Variants in SUCLG2 observed in about 807,000 individuals in gnomAD.
The protein encoded by SUCLG2 is succinate--CoA ligase [GDP-forming] subunit beta, mitochondrial.
In SUCLG2, 42 loss-of-function variants were observed where a neutral mutation model predicts 47.9. The observed-to-expected ratio is 0.88, with a 90% CI of 0.69 to 1.14. The LOEUF is 1.14. SUCLG2 is among the 50% of genes most tolerant of loss of function. SUCLG2 has a pLI of 0.00. For synonymous variants in SUCLG2, 195 were observed against 197.3 expected (o/e 0.99, Z 0.10); for missense variants, 571 against 525.9 (o/e 1.09, Z -0.84).
intron 2 of SUCLG2, among the ~76,000 whole-genome samples, chr3:67,583,382 C>T (rs547348090): frequency 2.6e-5 from 4 of 152,332 alleles, no homozygotes; most frequent in African/African-American, 9.6e-5. Context: ...CGAAAGGATC[C>T]TTTTAAAATA....
At chr3:67,533,812 T>G (rs763949476) in intron 2 of SUCLG2, among the ~76,000 whole-genome samples, 2 of 152,152 alleles carry the variant, frequency 1.3e-5, no homozygotes, top group African/African-American at 4.8e-5. Flanking sequence ...ACTGGGTCAA[T>G]GGGAATAAGA....
At chr3:67,491,381 C>T (rs9822798) in intron 9 of SUCLG2, among the ~76,000 whole-genome samples, 28,430 of 114,330 alleles carry the variant, frequency 0.25, 4,717 homozygotes, top group African/African-American at 0.5. Context: ...TTTTTTTTTT[C>T]CAGACGAAGT....
intron 6 of SUCLG2, among the ~76,000 whole-genome samples, chr3:67,509,761 ATTTTCCAAGCCAAAG>A (rs950486721): frequency 7.9e-5 from 12 of 152,118 alleles, no homozygotes; most frequent in African/African-American, 2.9e-4. Context: ...TCCCAGCTCC[ATTTTCCAAGCCAAAG>A]TTTTCCCACT....
rs373557679 is a variant in SUCLG2, at chr3:67,497,256, A to G, written c.919+878T>C. On this transcript the variant is annotated intron_variant, in intron 8 of 10. Transcript: ENST00000307227. The stretch of plus-strand genomic sequence containing the variant: ...TGAGGTCTCTTCAGTTCTGAATACA[A>G]TGATATTGCTGGTTTAATGAGCTAC... 2.6e-4 allele frequency among the ~76,000 whole-genome samples: 40 copies of G among 152,282 alleles called. No homozygotes were observed. The South Asian group carries it at 8.3e-3, about 32-fold the overall frequency.
intron 2 of SUCLG2, among the ~76,000 whole-genome samples, chr3:67,540,297 C>T (rs1318881060): frequency 2.6e-5 from 4 of 151,762 alleles, no homozygotes; most frequent in Non-Finnish European, 4.4e-5. Flanking sequence ...CTTATTTATC[C>T]ACTGGCTTGA....
At chr3:67,604,608 T>A (rs1381917122) in intron 2 of SUCLG2, among the ~76,000 whole-genome samples, 1 of 151,896 alleles carries the variant, frequency 6.6e-6, no homozygotes, top group Non-Finnish European at 1.5e-5. Flanking sequence ...ATGAGAGACA[T>A]TAATGATGCA....
At chr3:67,643,392 G>T (rs1701136492) in intron 1 of SUCLG2, among the ~76,000 whole-genome samples, 1 of 152,114 alleles carries the variant, frequency 6.6e-6, no homozygotes, top group Admixed American at 6.5e-5. Flanking sequence ...TTGGTCTTTG[G>T]AAGTTTGATG....
chr3:67,518,366 TCAGA>T (rs1706008002), intron 5 of SUCLG2, 30 bp from the exon 6 acceptor site: 1 of 1,585,510 alleles, frequency 6.3e-7, no homozygotes, highest in African/African-American at 1.3e-5. Context: ...TAAACAAAAT[TCAGA>T]CAGTCAACTG....
At chr3:67,607,438 A>T (rs9869349) in intron 2 of SUCLG2, among the ~76,000 whole-genome samples, 6 of 151,564 alleles carry the variant, frequency 4.0e-5, no homozygotes, top group Non-Finnish European at 4.4e-5. Context: ...CCTTTTTTTC[A>T]TTTTTTTAAT....
At chr3:67,406,465 G>A (rs1702812522) in intron 9 of SUCLG2, among the ~76,000 whole-genome samples, 1 of 152,314 alleles carries the variant, frequency 6.6e-6, no homozygotes, top group South Asian at 2.1e-4. Context: ...CAGGTGGTGA[G>A]GGAGGGCCTC....
At chr3:67,621,524 A>C (rs1270268724) in intron 1 of SUCLG2, among the ~76,000 whole-genome samples, 2 of 152,146 alleles carry the variant, frequency 1.3e-5, no homozygotes, top group African/African-American at 4.8e-5. Flanking sequence ...CTTAATCTCC[A>C]ATGTGGCAGT....
At chr3:67,595,506 AAG>A (rs1040269336) in intron 2 of SUCLG2, among the ~76,000 whole-genome samples, 9 of 152,124 alleles carry the variant, frequency 5.9e-5, no homozygotes, top group African/African-American at 2.2e-4. Flanking sequence ...CTTTGGGAGA[AAG>A]AGGGTGTGAA....
intron 9 of SUCLG2, among the ~76,000 whole-genome samples, chr3:67,454,338 G>C (rs1704129130): frequency 6.6e-6 from 1 of 152,012 alleles, no homozygotes; most frequent in African/African-American, 2.4e-5. Context: ...GGATAGGGTT[G>C]TGGTCGCACT....
At chr3:67,511,384 G>A (rs759990914) in intron 6 of SUCLG2, among the ~76,000 whole-genome samples, 6 of 152,152 alleles carry the variant, frequency 3.9e-5, no homozygotes, top group Non-Finnish European at 7.3e-5. Flanking sequence ...TAATTCCCAC[G>A]TGTTGCAGGA....
rs757365889 is a variant in SUCLG2, at chr3:67,609,696, T to C, written c.85-100A>G. On this transcript the variant is annotated intron_variant, in intron 1 of 10. Transcript: ENST00000307227. ...TCTTAGAGGTACTGTTGACTGGCAA[T>C]CTGCAACCCAGAGTTGAGAGAAGCA... 5.1e-5 allele frequency: 57 copies of C among 1,117,240 alleles called. 1 individual carries two copies. Among genetic ancestry groups the C allele is most frequent in the Admixed American group, 2.6e-4 (9 of 35,124 alleles). 69.2% of individuals were successfully genotyped at this position (1,117,240 alleles called of 1,614,324 possible).
At chr3:67,605,241 T>C (rs777295250) in intron 2 of SUCLG2, among the ~76,000 whole-genome samples, 10 of 152,218 alleles carry the variant, frequency 6.6e-5, no homozygotes, top group Non-Finnish European at 1.5e-4. Flanking sequence ...CAAATCTATT[T>C]GCTAAAACTT....
At chr3:67,421,519 C>T (rs1305536471) in intron 9 of SUCLG2, among the ~76,000 whole-genome samples, 2 of 152,142 alleles carry the variant, frequency 1.3e-5, no homozygotes, top group African/African-American at 2.4e-5. Flanking sequence ...AATAACATCA[C>T]CTGTTAGAAA....
intron 9 of SUCLG2, among the ~76,000 whole-genome samples, chr3:67,467,452 C>T (rs1184864858): frequency 3.3e-5 from 5 of 152,020 alleles, no homozygotes; most frequent in Admixed American, 2.0e-4. Context: ...ACTGCCTTCA[C>T]GTGGAAAAAA....
At chr3:67,520,428 C>T in intron 5 of SUCLG2, 54 bp downstream of exon 5, 1 of 1,611,492 alleles carries the variant, frequency 6.2e-7, no homozygotes, top group South Asian at 1.1e-5. Flanking sequence ...AAATATTTAA[C>T]AGCTTCTACA....
Sources: allele counts gnomAD v4.1 joint callset (sites outside exome capture counted in the v4.1 genomes callset), GRCh38; gene constraint gnomAD v4.1.1; transcripts MANE v1.5; gene names NCBI Gene and HGNC (gene_info 2026-07-23, HGNC 2026-07-21).